HECW2: variants seen among roughly 807,000 people sequenced by gnomAD.
The protein encoded by HECW2 is HECT, C2 and WW domain containing E3 ubiquitin protein ligase 2.
In HECW2, 61 loss-of-function variants were observed where a neutral mutation model predicts 175.2. The ratio of observed to expected loss-of-function variants is 0.35; its 90% CI spans 0.28 to 0.43. HECW2 has a LOEUF of 0.43. Among genes scored for constraint, HECW2 ranks in the 20% least tolerant of loss-of-function variants. HECW2 has a pLI of 1.00. For synonymous variants in HECW2, 671 were observed against 731.0 expected, an observed-to-expected ratio of 0.92 and a Z score of 1.32; for missense variants, 1,524 against 2,000.5, an observed-to-expected ratio of 0.76 and a Z score of 4.54.
rs760523134 is a variant in HECW2, at chr2:196,318,597, C to T, written c.2293G>A (p.Gly765Ser). 4.5e-6 allele frequency: 7 copies of T among 1,549,060 alleles called. No individual in the cohort carries two copies. The highest frequency in any genetic ancestry group is 2.3e-5 in the East Asian group (1 of 43,978). The change falls in exon 9 of 29, where the codon GGC becomes AGC. Residue 765 changes from glycine (G) to serine (S), a missense_variant. Physicochemically the swap from Gly to Ser is moderately conservative, Grantham distance 56. This residue lies in a region of HECW2 where 604 missense variants were observed against 588.3 expected (regional missense o/e 1.03). Transcript: ENST00000644978. Reference protein sequence around the residue: ...QEEGSAGEAQGTCEGATAQEE... With the variant: ...QEEGSAGEAQSTCEGATAQEE... ...TGGGCAGTTGCCCCTTCACAGGTGC[C>T]TTGGGCCTCCCCAGCACTGCCTTCT...
intron 19 of HECW2, among the ~76,000 whole-genome samples, chr2:196,248,324 G>A (rs544002618): frequency 1.3e-5 from 2 of 152,284 alleles, no homozygotes; most frequent in East Asian, 1.9e-4. Context: ...GTGAGGACAA[G>A]GGAGACTAAC....
chr2:196,426,057 A>T (rs7586554), intron 2 of HECW2, among the ~76,000 whole-genome samples: 177 of 152,194 alleles, frequency 1.2e-3, no homozygotes, highest in African/African-American at 3.7e-3. Flanking sequence ...GAGGCAAGAC[A>T]CTCCACCAGC....
rs182316411 is a variant in HECW2, at chr2:196,307,296, C to A, written c.2586-63G>T. On this transcript the variant is annotated intron_variant, in intron 11 of 28. Transcript: ENST00000644978. The stretch of plus-strand genomic sequence containing the variant: ...TTAAGAGATGGGACTCAACTGCTCC[C>A]CAAGAGTCTAGAACTTTTCACTATC... 9.0e-4 allele frequency: 1,013 copies of A among 1,120,004 alleles called. 2 individuals carry two copies. The highest frequency in any genetic ancestry group is 1.3e-3 in the Non-Finnish European group (927 of 734,660). The allele number at this position is 1,120,004 out of a possible 1,614,324, so 69.4% of individuals were successfully genotyped here.
At chr2:196,355,079 A>G (rs1216819012) in intron 2 of HECW2, among the ~76,000 whole-genome samples, 2 of 152,242 alleles carry the variant, frequency 1.3e-5, no homozygotes, top group Non-Finnish European at 2.9e-5. Flanking sequence ...ATCAAACAAG[A>G]AACTTATAAT....
chr2:196,382,758 GC>G (rs764393060), intron 2 of HECW2, among the ~76,000 whole-genome samples: 52 of 148,314 alleles, frequency 3.5e-4, no homozygotes, highest in Admixed American at 6.2e-4. Flanking sequence ...AACGGAAATG[GC>G]ACTTGCTTTA....
At chr2:196,404,557 A>G (rs1694908140) in intron 2 of HECW2, among the ~76,000 whole-genome samples, 2 of 151,986 alleles carry the variant, frequency 1.3e-5, no homozygotes, top group Non-Finnish European at 1.5e-5. Context: ...CCCCAAAGAG[A>G]TTTTCACTAC....
chr2:196,473,818 C>T (rs1697313194), intron 1 of HECW2, among the ~76,000 whole-genome samples: 1 of 152,198 alleles, frequency 6.6e-6, no homozygotes, highest in Non-Finnish European at 1.5e-5. Flanking sequence ...AAACTGAATG[C>T]CACTCTGTAA....
chr2:196,203,256 T>C (rs1686934531), intron 28 of HECW2, among the ~76,000 whole-genome samples: 2 of 152,166 alleles, frequency 1.3e-5, no homozygotes, highest in African/African-American at 2.4e-5. Context: ...CCTTTTTTGA[T>C]ACAATAAGCA....
intron 28 of HECW2, 111 bp downstream of exon 28, chr2:196,215,754 T>G (rs1687454128): frequency 1.4e-6 from 1 of 734,844 alleles, no homozygotes; most frequent in Non-Finnish European, 2.2e-6. Context: ...TCTAAGAGCT[T>G]TTCCGCTCTC....
chr2:196,427,913 T>A (rs980171087), intron 2 of HECW2, among the ~76,000 whole-genome samples: 1 of 152,202 alleles, frequency 6.6e-6, no homozygotes, highest in Non-Finnish European at 1.5e-5. Flanking sequence ...GTATTTCCAA[T>A]AGGGCCTATT....
intron 17 of HECW2, among the ~76,000 whole-genome samples, chr2:196,259,773 TA>T (rs2105929409): frequency 6.6e-6 from 1 of 152,282 alleles, no homozygotes; most frequent in Admixed American, 6.5e-5. Flanking sequence ...ATAAGAGATG[TA>T]AATGTTGGCT....
chr2:196,402,526 T>C (rs905149792), intron 2 of HECW2, among the ~76,000 whole-genome samples: 6 of 152,210 alleles, frequency 3.9e-5, no homozygotes, highest in African/African-American at 7.2e-5. Flanking sequence ...CTGACAGATA[T>C]TATGTTCCAT....
intron 1 of HECW2, among the ~76,000 whole-genome samples, chr2:196,503,470 T>C (rs1196793067): frequency 6.6e-6 from 1 of 152,036 alleles, no homozygotes; most frequent in African/African-American, 2.4e-5. Context: ...AAGAGCCGCA[T>C]TGAGAGGAAA....
At chr2:196,431,760 G>C (rs943827943) in intron 2 of HECW2, among the ~76,000 whole-genome samples, 4 of 152,094 alleles carry the variant, frequency 2.6e-5, no homozygotes, top group Non-Finnish European at 4.4e-5. Flanking sequence ...AAAATGCTGT[G>C]AAGACTTTTC....
intron 1 of HECW2, among the ~76,000 whole-genome samples, chr2:196,538,322 T>G (rs1392836601): frequency 6.6e-6 from 1 of 152,234 alleles, no homozygotes; most frequent in Non-Finnish European, 1.5e-5. Context: ...CGCCAGGCCC[T>G]GTCCCAAGAG....
chr2:196,402,074 G>A (rs922389469), intron 2 of HECW2, among the ~76,000 whole-genome samples: 7 of 151,606 alleles, frequency 4.6e-5, no homozygotes, highest in South Asian at 2.1e-4. Context: ...GGTGGCGGGC[G>A]CCTGTAGTCC....
At chr2:196,402,162 C>T (rs573503716) in intron 2 of HECW2, among the ~76,000 whole-genome samples, 37 of 123,384 alleles carry the variant, frequency 3.0e-4, no homozygotes, top group African/African-American at 1.1e-3. Context: ...GATGGCACCA[C>T]TGCACTCCTG....
intron 2 of HECW2, 35 bp from the exon 3 acceptor site, chr2:196,343,799 T>A: frequency 7.7e-7 from 1 of 1,303,218 alleles, no homozygotes; most frequent in African/African-American, 1.5e-5. Context: ...TCAGATTAAT[T>A]ATAACCTTTC....
intron 9 of HECW2, 34 bp from the exon 10 acceptor site, chr2:196,317,403 T>C (rs1383231671): frequency 6.8e-7 from 1 of 1,479,488 alleles, no homozygotes. Flanking sequence ...CCAGGTATTG[T>C]TTTCTCTTTC....
Sources: gnomAD v4.1 joint callset for allele counts (sites outside exome capture counted in the v4.1 genomes callset) on GRCh38, gnomAD v4.1.1 for gene constraint, gnomAD v4.1.1 regional missense constraint, MANE v1.5 for transcripts, NCBI Gene and HGNC (gene_info 2026-07-23, HGNC 2026-07-21) for gene names.